Variants in FAM222B observed in about 807,000 individuals in gnomAD.
The protein encoded by FAM222B is protein FAM222B.
FAM222B carries 12 observed loss-of-function variants against 38.0 expected under a neutral mutation model. That is an observed-to-expected ratio of 0.32 (90% CI 0.20 to 0.51). The LOEUF (loss-of-function observed/expected upper bound fraction) is 0.51, where lower values mean the gene tolerates loss of function less well. FAM222B is among the 20% of genes least tolerant of loss of function. The pLI is 0.97. For synonymous variants in FAM222B, 329 were observed against 317.2 expected, an observed-to-expected ratio of 1.04 and a Z score of -0.40; for missense variants, 716 against 754.2, an observed-to-expected ratio of 0.95 and a Z score of 0.59.
rs902348389 is a variant in FAM222B at position 28,779,745 on chromosome 17, C to T, written c.-40-13038G>A. On this transcript the variant is annotated intron_variant, in intron 1 of 2. Coordinates refer to ENST00000581407, the MANE Select transcript of FAM222B (RefSeq NM_001077498.3). ...TGGCCTGGGCGACAGAGCGAGACTCCGTCTCAAAATAAATAAATAAATAAA... is the reference window on the plus strand; with the variant it reads ...TGGCCTGGGCGACAGAGCGAGACTCTGTCTCAAAATAAATAAATAAATAAA... Among the ~76,000 whole-genome samples the T allele has an allele frequency of 5.1e-5, 7 of 137,726 alleles. No homozygotes were observed. In the East Asian group the frequency reaches 8.8e-4, roughly 17 times the overall value. The allele number at this position is 137,726 out of a possible 152,430, so 90.4% of individuals were successfully genotyped here. A position where few individuals can be genotyped will look rare whatever the true frequency, so the allele number is the denominator to read the frequency against.
At chr17:28,822,177 A>G (rs2152582309) in intron 1 of FAM222B, among the ~76,000 whole-genome samples, 1 of 150,078 alleles carries the variant, frequency 6.7e-6, no homozygotes, top group East Asian at 2.2e-4. Context: ...ACGCGCCACC[A>G]CACCCAGCTA....
chr17:28,822,613 C>G (rs1469169617), intron 1 of FAM222B, among the ~76,000 whole-genome samples: 1 of 135,748 alleles, frequency 7.4e-6, no homozygotes, highest in Non-Finnish European at 1.6e-5. Flanking sequence ...GCAACAAGAG[C>G]GAAACTCCAC....
chr17:28,773,402 C>CT (rs2035732111), intron 1 of FAM222B, among the ~76,000 whole-genome samples: 1 of 140,186 alleles, frequency 7.1e-6, no homozygotes, highest in Non-Finnish European at 1.5e-5. Flanking sequence ...TTGCTTGAAC[C>CT]TGGGAGGTGG....
chr17:28,813,768 G>A (rs1156302494), intron 1 of FAM222B, among the ~76,000 whole-genome samples: 1 of 150,412 alleles, frequency 6.6e-6, no homozygotes, highest in Non-Finnish European at 1.5e-5. Context: ...GGACGGTCTC[G>A]ATCTCCTGAC....
rs1396667894 is a variant in FAM222B, at chr17:28,758,073, A to C, written c.*197T>G. The C allele has an allele frequency of 5.6e-6, 3 of 534,334 alleles. No individual in the cohort carries two copies. In the East Asian group the frequency reaches 9.3e-5, roughly 17 times the overall value. The allele number at this position is 534,334 out of a possible 1,614,324, so 33.1% of individuals were successfully genotyped here. ...CCTGGGCTTAGGGTTAGGTTCTAACATAAAACCAAAAGTTGCTGGAGGGGA... is the reference window on the plus strand; with the variant it reads ...CCTGGGCTTAGGGTTAGGTTCTAACCTAAAACCAAAAGTTGCTGGAGGGGA... On this transcript the variant is annotated 3_prime_UTR_variant, in exon 3 of 3. Transcript: ENST00000581407.
intron 1 of FAM222B, among the ~76,000 whole-genome samples, chr17:28,835,337 C>T (rs1464311163): frequency 6.6e-6 from 1 of 151,940 alleles, no homozygotes; most frequent in Admixed American, 6.6e-5. Flanking sequence ...ATCTGGCCAA[C>T]AGTGAACTCT....
At chr17:28,762,191 G>A (rs945476013) in intron 2 of FAM222B, 1 of 152,194 alleles carries the variant, frequency 6.6e-6, no homozygotes, top group Non-Finnish European at 1.5e-5. Flanking sequence ...TGAAATGAGG[G>A]TAGGGAGGGT....
chr17:28,835,376 A>C (rs2038807786), intron 1 of FAM222B, among the ~76,000 whole-genome samples: 1 of 151,970 alleles, frequency 6.6e-6, no homozygotes. Context: ...TTTATATTTT[A>C]ATTCCCTCCC....
chr17:28,807,749 G>T (rs1179088922), intron 1 of FAM222B, among the ~76,000 whole-genome samples: 1 of 152,158 alleles, frequency 6.6e-6, no homozygotes, highest in Non-Finnish European at 1.5e-5. Context: ...AATCTCTAAT[G>T]AAGTAAACTT....
chr17:28,788,867 G>A (rs539281657), intron 1 of FAM222B, among the ~76,000 whole-genome samples: 151 of 151,644 alleles, frequency 1.0e-3, no homozygotes, highest in African/African-American at 3.6e-3. Flanking sequence ...TCAGCCTCCC[G>A]AGTAGCTGGG....
At chr17:28,851,559 TG>T (rs2039181256) in intron 1 of FAM222B, among the ~76,000 whole-genome samples, 1 of 150,546 alleles carries the variant, frequency 6.6e-6, no homozygotes, top group African/African-American at 2.4e-5. Context: ...CTGGGCAACA[TG>T]GTGACAGCCT....
intron 2 of FAM222B, among the ~76,000 whole-genome samples, chr17:28,763,788 T>C (rs2035196140): frequency 2.6e-5 from 4 of 152,270 alleles, no homozygotes; most frequent in Admixed American, 2.6e-4. Context: ...TATGTGAAAA[T>C]ATTCAATATA....
chr17:28,758,954 G>A lies in FAM222B; in HGVS notation c.1005C>T (p.Ala335=), dbSNP rs773576816. 8.7e-5 allele frequency: 140 copies of A among 1,610,586 alleles called. No individual in the cohort carries two copies. Among genetic ancestry groups the A allele is most frequent in the African/African-American group, 6.7e-5 (5 of 75,020 alleles). The change falls in exon 3 of 3, where the codon GCC becomes GCT. Residue 335 remains alanine, a synonymous_variant. Transcript: ENST00000581407. Reference sequence around the variant, plus strand: ...TGACAGGACCTGCAGCAGGCAACGCGGCGGTGGCCGCGTGGGTGTGCTCCA... The same window carrying A: ...TGACAGGACCTGCAGCAGGCAACGCAGCGGTGGCCGCGTGGGTGTGCTCCA... ...NPMEHTHAAT[A]ALPAAGPVNL...
intron 1 of FAM222B, among the ~76,000 whole-genome samples, chr17:28,811,232 A>G (rs187702884): frequency 9.9e-5 from 15 of 152,240 alleles, no homozygotes; most frequent in Non-Finnish European, 1.8e-4. Flanking sequence ...CGAGGTCAGG[A>G]TATCAAGACC....
At chr17:28,782,132 C>CA (rs1648301099) in intron 1 of FAM222B, among the ~76,000 whole-genome samples, 1 of 151,978 alleles carries the variant, frequency 6.6e-6, no homozygotes. Context: ...TGAGACCAGC[C>CA]AGGACAACAC....
At chr17:28,766,192 C>G (rs1028365189) in intron 2 of FAM222B, among the ~76,000 whole-genome samples, 1 of 152,196 alleles carries the variant, frequency 6.6e-6, no homozygotes, top group Non-Finnish European at 1.5e-5. Flanking sequence ...CAGTGGCTCA[C>G]ACCTGTAATC....
intron 1 of FAM222B, among the ~76,000 whole-genome samples, chr17:28,768,249 G>A (rs540841784): frequency 7.9e-5 from 12 of 152,060 alleles, no homozygotes; most frequent in African/African-American, 1.9e-4. Context: ...AGTTAAAGAC[G>A]ACAAAAATCT....
chr17:28,845,944 C>A (rs1427912281), upstream of FAM222B, among the ~76,000 whole-genome samples: 1 of 151,012 alleles, frequency 6.6e-6, no homozygotes, highest in Non-Finnish European at 1.5e-5. Context: ...TGGCTCACGC[C>A]TGTAATCTCA....
chr17:28,773,724 G>T (rs1048678619), intron 1 of FAM222B, among the ~76,000 whole-genome samples: 1 of 151,830 alleles, frequency 6.6e-6, no homozygotes, highest in Non-Finnish European at 1.5e-5. Context: ...CCTGGGTCCA[G>T]AAGGCGGAGG....
Sources: allele counts gnomAD v4.1 joint callset (sites outside exome capture counted in the v4.1 genomes callset), GRCh38; gene constraint gnomAD v4.1.1; transcripts MANE v1.5; gene names NCBI Gene and HGNC (gene_info 2026-07-23, HGNC 2026-07-21).